Variants in KCNAB1 observed in about 807,000 individuals in gnomAD.
KCNAB1 encodes voltage-gated potassium channel subunit beta-1.
A neutral mutation model predicts 64.6 loss-of-function variants in KCNAB1; 35 were observed. The ratio of observed to expected loss-of-function variants is 0.54; its 90% confidence interval spans 0.41 to 0.72. KCNAB1 has a LOEUF of 0.72. Among genes scored for constraint, KCNAB1 ranks in the 30% least tolerant of loss-of-function variants. The pLI is 0.00. For missense variants in KCNAB1, 401 were observed against 512.9 expected (o/e 0.78, Z 2.11); for synonymous variants, 177 against 183.8 (o/e 0.96, Z 0.30).
chr3:156,457,515 A>G lies in KCNAB1; in HGVS notation c.420A>G (p.Glu140=). 1 of 1,613,822 alleles carries G rather than the reference A, an allele frequency of 6.2e-7. No individual in the cohort carries two copies. Among genetic ancestry groups the G allele is most frequent in the Non-Finnish European group, 8.5e-7 (1 of 1,179,760 alleles). ...ESGVNLFDTA[E]VYAAGKAEVI... is the part of the protein sequence containing the mutation. ...GTGTTAACCTCTTTGATACTGCCGAAGTCTATGCTGCTGGAAAGTAAGTCA... is the reference window on the plus strand; with the variant it reads ...GTGTTAACCTCTTTGATACTGCCGAGGTCTATGCTGCTGGAAAGTAAGTCA... The change falls in exon 4 of 14, where the codon GAA becomes GAG. Residue 140 remains glutamate, a synonymous_variant. Coordinates refer to ENST00000490337, the MANE Select transcript of KCNAB1 (RefSeq NM_172160.3).
intron 1 of KCNAB1, chr3:156,175,761 G>T (rs973053726): frequency 8.9e-6 from 5 of 564,442 alleles, no homozygotes; most frequent in African/African-American, 7.5e-5. Context: ...GCCAGTAATC[G>T]TCATCTGAAG....
At chr3:156,120,494 A>C (rs1211498704), upstream of KCNAB1, 3 of 1,140,202 alleles carry the variant, frequency 2.6e-6, no homozygotes, top group Non-Finnish European at 3.8e-6. Flanking sequence ...GCTTTGTGGC[A>C]GGATAAGGTT....
At chr3:156,421,691 C>G in intron 2 of KCNAB1, 32 bp downstream of exon 2, 1 of 1,607,580 alleles carries the variant, frequency 6.2e-7, no homozygotes, top group Non-Finnish European at 8.5e-7. Flanking sequence ...TGGGGGTGGG[C>G]TGGAAGGTGG....
chr3:156,209,779 T>C (rs1358429943), intron 1 of KCNAB1, among the ~76,000 whole-genome samples: 1 of 152,212 alleles, frequency 6.6e-6, no homozygotes, highest in Non-Finnish European at 1.5e-5. Context: ...AAGAGTTTAT[T>C]CTCTTATCAA....
intron 1 of KCNAB1, among the ~76,000 whole-genome samples, chr3:156,128,521 T>C (rs1412790848): frequency 1.3e-5 from 2 of 152,230 alleles, no homozygotes; most frequent in Non-Finnish European, 2.9e-5. Context: ...TACCTACAAT[T>C]TGTAGTATCC....
intron 1 of KCNAB1, among the ~76,000 whole-genome samples, chr3:156,173,681 A>G (rs545767746): frequency 6.6e-6 from 1 of 152,056 alleles, no homozygotes; most frequent in East Asian, 1.9e-4. Context: ...AATGCAACAA[A>G]TTGTATGCGA....
intron 7 of KCNAB1, among the ~76,000 whole-genome samples, chr3:156,469,248 C>CTTTTTTT (rs34567814): frequency 2.2e-3 from 162 of 72,946 alleles, no homozygotes; most frequent in Non-Finnish European, 3.2e-3. Context: ...TTCTTTCTTT[C>CTTTTTTT]TTTTTTTTTT....
At chr3:156,149,236 T>C (rs531641371) in intron 1 of KCNAB1, among the ~76,000 whole-genome samples, 13 of 151,288 alleles carry the variant, frequency 8.6e-5, no homozygotes, top group African/African-American at 2.4e-4. Flanking sequence ...AGCTACTAGA[T>C]GGTAGACCAA....
intron 1 of KCNAB1, among the ~76,000 whole-genome samples, chr3:156,135,501 C>T (rs1714290445): frequency 1.3e-5 from 2 of 152,132 alleles, no homozygotes; most frequent in Admixed American, 1.3e-4. Context: ...ATGTCTATTA[C>T]CTTATTTGTA....
At chr3:156,455,677 T>C (rs1421588234) in intron 3 of KCNAB1, among the ~76,000 whole-genome samples, 1 of 152,036 alleles carries the variant, frequency 6.6e-6, no homozygotes, top group Non-Finnish European at 1.5e-5. Context: ...ACACTAGAAG[T>C]GTAGATGAAG....
intron 1 of KCNAB1, among the ~76,000 whole-genome samples, chr3:156,364,101 G>T (rs983272404): frequency 9.8e-5 from 15 of 152,336 alleles, no homozygotes; most frequent in South Asian, 4.1e-4. Context: ...AAGAGAGACT[G>T]CCAGGGTAGG....
At chr3:156,289,631 T>C (rs780897261) in intron 1 of KCNAB1, among the ~76,000 whole-genome samples, 3 of 152,202 alleles carry the variant, frequency 2.0e-5, no homozygotes, top group Non-Finnish European at 4.4e-5. Context: ...ATTCTAAAAT[T>C]ACTTCTCAAT....
At chr3:156,522,552 A>T (rs917040815) in intron 11 of KCNAB1, among the ~76,000 whole-genome samples, 2 of 152,252 alleles carry the variant, frequency 1.3e-5, no homozygotes, top group Admixed American at 6.5e-5. Context: ...GCAGGCTACC[A>T]GGTTAGGAGC....
At chr3:156,186,260 A>AT (rs375151787) in intron 1 of KCNAB1, among the ~76,000 whole-genome samples, 2 of 151,584 alleles carry the variant, frequency 1.3e-5, no homozygotes, top group Non-Finnish European at 2.9e-5. Flanking sequence ...GAACCTGCCT[A>AT]TTTTTTTTCT....
chr3:156,237,157 T>G (rs1345362761), intron 1 of KCNAB1, among the ~76,000 whole-genome samples: 1 of 152,218 alleles, frequency 6.6e-6, no homozygotes, highest in South Asian at 2.1e-4. Context: ...GCCCCTCATA[T>G]AAATCATTTT....
intron 1 of KCNAB1, among the ~76,000 whole-genome samples, chr3:156,179,511 T>G (rs2108342988): frequency 7.9e-6 from 1 of 126,972 alleles, no homozygotes; most frequent in South Asian, 2.6e-4. Flanking sequence ...GCCACATACA[T>G]GTGTTTTGGG....
intron 1 of KCNAB1, among the ~76,000 whole-genome samples, chr3:156,410,141 T>A (rs1191808146): frequency 1.3e-5 from 2 of 152,244 alleles, no homozygotes; most frequent in East Asian, 3.8e-4. Context: ...CTTCAAGAGA[T>A]CTTCAGTTTT....
intron 2 of KCNAB1, among the ~76,000 whole-genome samples, chr3:156,430,152 C>T (rs543864920): frequency 6.6e-6 from 1 of 152,360 alleles, no homozygotes; most frequent in Admixed American, 6.5e-5. Context: ...GACTGCTGGC[C>T]ACATGGCTTT....
chr3:156,408,012 G>A (rs1447138749), intron 1 of KCNAB1, among the ~76,000 whole-genome samples: 1 of 152,142 alleles, frequency 6.6e-6, no homozygotes, highest in Non-Finnish European at 1.5e-5. Context: ...CTACTGCCAT[G>A]GCATCAATCA....
Sources: gnomAD v4.1 joint callset for allele counts (sites outside exome capture counted in the v4.1 genomes callset) on GRCh38, gnomAD v4.1.1 for gene constraint, MANE v1.5 for transcripts, NCBI Gene and HGNC (gene_info 2026-07-23, HGNC 2026-07-21) for gene names.